Variants in MEI4 observed in about 807,000 individuals in gnomAD.
MEI4 encodes the protein meiotic double-stranded break formation protein 4, also known as meiosis-specific protein MEI4.
Under a neutral mutation model 31.4 loss-of-function variants are expected in MEI4, and 27 were observed. The observed-to-expected ratio is 0.86, with a 90% CI of 0.63 to 1.19. The LOEUF (loss-of-function observed/expected upper bound fraction) is 1.19. Ranked by LOEUF, MEI4 falls within the 50% of genes most tolerant of loss-of-function variation. The pLI is 0.00. For synonymous variants in MEI4, 122 were observed against 145.4 expected (o/e 0.84, Z 1.16); for missense variants, 329 against 398.9 (o/e 0.82, Z 1.49).
rs151105401 is a variant in MEI4, at chr6:77,767,338, C to T, written c.768+5673C>T. On this transcript the variant is annotated intron_variant, in intron 3 of 4. Transcript: ENST00000684080. ...GAGGTGACAGTGAGCCAAGACTGCA[C>T]CACTGCACTCCAGCCTGGTGACTGA... Among the ~76,000 whole-genome samples the T allele has an allele frequency of 2.7e-3, 410 of 151,732 alleles. 1 individual carries two copies. Among genetic ancestry groups the T allele is most frequent in the African/African-American group, 9.7e-3 (401 of 41,372 alleles).
At chr6:77,662,505 G>A (rs566879653) in intron 1 of MEI4, among the ~76,000 whole-genome samples, 17 of 152,252 alleles carry the variant, frequency 1.1e-4, no homozygotes, top group South Asian at 2.1e-4. Context: ...TGAAGGAGCC[G>A]GGGAGCAGAA....
At chr6:77,680,759 C>T (rs1768941840) in intron 1 of MEI4, among the ~76,000 whole-genome samples, 2 of 152,152 alleles carry the variant, frequency 1.3e-5, no homozygotes, top group Non-Finnish European at 1.5e-5. Flanking sequence ...ATTAGATTTA[C>T]TTGTAAAATG....
intron 3 of MEI4, among the ~76,000 whole-genome samples, chr6:77,779,120 G>C (rs548143297): frequency 9.9e-5 from 15 of 152,264 alleles, no homozygotes; most frequent in African/African-American, 3.6e-4. Context: ...GGAGGACCTA[G>C]TACTGAGCCC....
chr6:77,785,487 A>G (rs892344618), intron 3 of MEI4, among the ~76,000 whole-genome samples: 1 of 152,152 alleles, frequency 6.6e-6, no homozygotes, highest in Non-Finnish European at 1.5e-5. Context: ...AGTGAAGGCA[A>G]TGGTAGGGCA....
chr6:77,764,063 C>T (rs1188579900), intron 3 of MEI4, among the ~76,000 whole-genome samples: 6 of 152,220 alleles, frequency 3.9e-5, no homozygotes, highest in Non-Finnish European at 7.4e-5. Context: ...CTGCCCACTT[C>T]GGTCTCCCAA....
intron 2 of MEI4, among the ~76,000 whole-genome samples, chr6:77,757,590 G>T (rs1767946505): frequency 6.6e-6 from 1 of 152,138 alleles, no homozygotes; most frequent in African/African-American, 2.4e-5. Flanking sequence ...AGAAAAACTG[G>T]CAATCACCTT....
intron 4 of MEI4, among the ~76,000 whole-genome samples, chr6:77,911,455 CCTT>C (rs1005425313): frequency 2.0e-5 from 3 of 151,874 alleles, no homozygotes; most frequent in African/African-American, 7.2e-5. Flanking sequence ...ATTACCCCCT[CCTT>C]CTGACCCTAC....
At chr6:77,903,375 T>A (rs761369358) in intron 4 of MEI4, among the ~76,000 whole-genome samples, 6 of 152,128 alleles carry the variant, frequency 3.9e-5, no homozygotes, top group Non-Finnish European at 5.9e-5. Flanking sequence ...AAAATAGGCT[T>A]TATTTTAGAT....
chr6:77,863,413 G>C (rs1329208549), intron 4 of MEI4, among the ~76,000 whole-genome samples: 2 of 151,906 alleles, frequency 1.3e-5, no homozygotes, highest in African/African-American at 4.8e-5. Context: ...TGAAAACCAA[G>C]GCACGGGAAC....
intron 3 of MEI4, among the ~76,000 whole-genome samples, chr6:77,826,830 C>T (rs758957835): frequency 1.2e-4 from 19 of 152,112 alleles, no homozygotes; most frequent in African/African-American, 3.4e-4. Context: ...CAATAATTCA[C>T]GGCTCTTCTC....
intron 4 of MEI4, among the ~76,000 whole-genome samples, chr6:77,870,854 G>A (rs1424176403): frequency 6.6e-6 from 1 of 152,106 alleles, no homozygotes; most frequent in Non-Finnish European, 1.5e-5. Flanking sequence ...ATAAATTACT[G>A]AAACTACTTC....
chr6:77,786,763 T>C (rs1180622872), intron 3 of MEI4, among the ~76,000 whole-genome samples: 1 of 152,124 alleles, frequency 6.6e-6, no homozygotes, highest in East Asian at 1.9e-4. Context: ...TAGTGATGTG[T>C]TGAAAGTTGG....
chr6:77,862,396 G>A (rs372942450), intron 4 of MEI4, among the ~76,000 whole-genome samples: 112 of 152,334 alleles, frequency 7.4e-4, no homozygotes, highest in East Asian at 1.9e-3. Context: ...CTTTTCCAAC[G>A]GTCTTAGCAA....
At chr6:77,731,588 C>A (rs1279231806) in intron 2 of MEI4, among the ~76,000 whole-genome samples, 2 of 151,462 alleles carry the variant, frequency 1.3e-5, no homozygotes, top group Non-Finnish European at 2.9e-5. Flanking sequence ...TGCCTGTTCA[C>A]TCTGATGGTA....
intron 3 of MEI4, among the ~76,000 whole-genome samples, chr6:77,803,916 G>T (rs1769350532): frequency 6.6e-6 from 1 of 152,188 alleles, no homozygotes. Flanking sequence ...CTACTCAGGG[G>T]TCAGGGACCC....
At chr6:77,791,426 C>T (rs1001357432) in intron 3 of MEI4, among the ~76,000 whole-genome samples, 4 of 149,168 alleles carry the variant, frequency 2.7e-5, no homozygotes, top group East Asian at 4.0e-4. Flanking sequence ...TAAACTATCG[C>T]AAGAACAAAA....
At chr6:77,885,028 T>C (rs1374700693) in intron 4 of MEI4, among the ~76,000 whole-genome samples, 2 of 152,120 alleles carry the variant, frequency 1.3e-5, no homozygotes, top group Non-Finnish European at 2.9e-5. Context: ...TTCAATTGCT[T>C]TCATCAGAAG....
chr6:77,736,090 G>A (rs1193046866), intron 2 of MEI4, among the ~76,000 whole-genome samples: 2 of 152,078 alleles, frequency 1.3e-5, no homozygotes, highest in Non-Finnish European at 2.9e-5. Flanking sequence ...CTTTTTGTTT[G>A]TCTGTGCCCT....
intron 4 of MEI4, among the ~76,000 whole-genome samples, chr6:77,893,754 A>T (rs1255637098): frequency 6.6e-6 from 1 of 152,222 alleles, no homozygotes; most frequent in Non-Finnish European, 1.5e-5. Context: ...TAATGCAAGA[A>T]AGCTTTTTCT....
Sources: gnomAD v4.1 joint callset for allele counts (sites outside exome capture counted in the v4.1 genomes callset) on GRCh38, gnomAD v4.1.1 for gene constraint, MANE v1.5 for transcripts, NCBI Gene and HGNC (gene_info 2026-07-23, HGNC 2026-07-21) for gene names.